PDE1C: variants seen among roughly 807,000 people sequenced by gnomAD.
The protein encoded by PDE1C is dual specificity calcium/calmodulin-dependent 3',5'-cyclic nucleotide phosphodiesterase 1C.
PDE1C carries 62 observed loss-of-function variants against 93.1 expected under a neutral mutation model. That is an observed-to-expected ratio of 0.67 (90% confidence interval 0.54 to 0.82). PDE1C has a LOEUF of 0.82. PDE1C is among the 40% of genes least tolerant of loss of function. The pLI, the probability that PDE1C is intolerant of heterozygous loss-of-function variation, is 0.00. For missense variants in PDE1C, 742 were observed against 884.6 expected (o/e 0.84, Z 2.04); for synonymous variants, 325 against 310.1 (o/e 1.05, Z -0.50).
At chr7:31,666,179 A>C in the PDE1C span, among the ~76,000 whole-genome samples, 7,179 of 152,258 alleles carry the variant, frequency 0.047, 539 homozygotes, top group African/African-American at 0.16. Context: ...AGCTGTAGAA[A>C]CCTGATAAAA....
At chr7:32,188,689 A>G (rs1057146963) in intron 2 of PDE1C, among the ~76,000 whole-genome samples, 1 of 152,080 alleles carries the variant, frequency 6.6e-6, no homozygotes, top group Non-Finnish European at 1.5e-5. Flanking sequence ...TTCTATATTC[A>G]GAAGCCTACC....
At chr7:32,397,277 C>G (rs892108992) in intron 1 of PDE1C, among the ~76,000 whole-genome samples, 1 of 151,770 alleles carries the variant, frequency 6.6e-6, no homozygotes, top group Non-Finnish European at 1.5e-5. Context: ...GCCAGAAACC[C>G]AGAAAAAAAT....
At chr7:31,803,281 A>C (rs576608391) in intron 16 of PDE1C, among the ~76,000 whole-genome samples, 1 of 151,848 alleles carries the variant, frequency 6.6e-6, no homozygotes, top group South Asian at 2.1e-4. Context: ...AAGATCTTCC[A>C]TGTGTCTACT....
At chr7:32,120,396 GTGCTTCA>G (rs1452707989) in intron 3 of PDE1C, among the ~76,000 whole-genome samples, 1 of 152,182 alleles carries the variant, frequency 6.6e-6, no homozygotes, top group East Asian at 1.9e-4. Flanking sequence ...AACAGTCAAA[GTGCTTCA>G]TTAAGCAGGT....
chr7:32,117,810 A>ATAAAT (rs1799067285), intron 3 of PDE1C, among the ~76,000 whole-genome samples: 1 of 152,194 alleles, frequency 6.6e-6, no homozygotes, highest in Admixed American at 6.5e-5. Flanking sequence ...TGAGTTATTG[A>ATAAAT]TAAATTAAAT....
intron 2 of PDE1C, among the ~76,000 whole-genome samples, chr7:31,917,027 A>G (rs1802012357): frequency 3.3e-5 from 5 of 152,300 alleles, no homozygotes; most frequent in Admixed American, 3.3e-4. Context: ...ACTACCAGGC[A>G]TGGACAGAAA....
At chr7:31,634,339 T>A in the PDE1C span, among the ~76,000 whole-genome samples, 1 of 152,234 alleles carries the variant, frequency 6.6e-6, no homozygotes, top group African/African-American at 2.4e-5. Flanking sequence ...CAGATAATAT[T>A]AATAATGATG....
chr7:31,793,664 G>T (rs1346119450), intron 16 of PDE1C, among the ~76,000 whole-genome samples: 6 of 137,924 alleles, frequency 4.4e-5, no homozygotes, highest in Admixed American at 7.9e-5. Flanking sequence ...TTGGGCATAT[G>T]AATGGGTCCT....
chr7:32,372,052 A>ATT (rs70989652), intron 1 of PDE1C, among the ~76,000 whole-genome samples: 8,653 of 132,434 alleles, frequency 0.065, 416 homozygotes, highest in South Asian at 0.084. Context: ...TGGTCAATTG[A>ATT]TTTTTTTTTT....
chr7:32,293,487 G>A (rs1812460393), intron 1 of PDE1C, among the ~76,000 whole-genome samples: 1 of 152,150 alleles, frequency 6.6e-6, no homozygotes, highest in Admixed American at 6.5e-5. Flanking sequence ...CCTAATAACA[G>A]CATTTGGAGG....
At chr7:32,112,838 GTGTGTGTGTATATATATA>G (rs1328835411) in intron 3 of PDE1C, among the ~76,000 whole-genome samples, 1 of 61,320 alleles carries the variant, frequency 1.6e-5, no homozygotes, top group African/African-American at 9.0e-5. Context: ...GTGTGTGTGT[GTGTGTGTGTATATATATA>G]TATATATATA....
rs1036624146 is a variant in PDE1C at position 32,237,148 on chromosome 7, G to A, written c.86-27609C>T. Among the ~76,000 whole-genome samples, 10 of 147,072 alleles carry A rather than the reference G, an allele frequency of 6.8e-5. No individual in the cohort carries two copies. In the East Asian group the frequency reaches 8.0e-4, roughly 12 times the overall value. On this transcript the variant is annotated intron_variant, in intron 1 of 18. Transcript: ENST00000396193. ...GTCGCCCAGGCTGGAGTGCAGTGGC[G>A]CGATCTCGGCTCACTGCAAGTTCTA...
chr7:31,950,259 C>T (rs749001184), intron 2 of PDE1C, among the ~76,000 whole-genome samples: 5 of 152,206 alleles, frequency 3.3e-5, no homozygotes, highest in South Asian at 2.1e-4. Context: ...GATGCAAGCT[C>T]TACTCCCAAT....
At chr7:31,718,165 T>C in the PDE1C span, among the ~76,000 whole-genome samples, 71 of 152,130 alleles carry the variant, frequency 4.7e-4, no homozygotes, top group African/African-American at 1.5e-3. Flanking sequence ...TGCACGGTCA[T>C]GGGCATGGTG....
intron 1 of PDE1C, among the ~76,000 whole-genome samples, chr7:32,233,299 A>C (rs1056465707): frequency 6.6e-6 from 1 of 152,188 alleles, no homozygotes; most frequent in Non-Finnish European, 1.5e-5. Flanking sequence ...GGACAAACAG[A>C]AAATTAATAA....
In PDE1C at chr7:31,877,965, A is replaced by G. The variant is rs752818906; in HGVS notation, c.492+5T>C. 5.6e-6 allele frequency: 9 copies of G among 1,600,532 alleles called. No individual in the cohort carries two copies. The South Asian group carries it at 8.8e-5, about 16-fold the overall frequency. Reference sequence around the variant, plus strand: ...TACATTGTAAAATCTTTTCACTCGTATTACCTTTAATGCCTCAATAACAGC... The same window carrying G: ...TACATTGTAAAATCTTTTCACTCGTGTTACCTTTAATGCCTCAATAACAGC... On this transcript the variant is annotated splice_donor_5th_base_variant and intron_variant, in intron 5 of 17. Transcript: ENST00000396191.
At chr7:31,664,639 A>T in the PDE1C span, among the ~76,000 whole-genome samples, 1 of 152,304 alleles carries the variant, frequency 6.6e-6, no homozygotes, top group Non-Finnish European at 1.5e-5. Context: ...GGCTTGAAGG[A>T]AATTTGCTTT....
chr7:31,697,557 A>G, the PDE1C span, among the ~76,000 whole-genome samples: 1 of 152,232 alleles, frequency 6.6e-6, no homozygotes, highest in Non-Finnish European at 1.5e-5. Context: ...ATGTGTGTCA[A>G]ATCAAACAAA....
At chr7:31,981,410 C>A (rs1812357208) in intron 2 of PDE1C, among the ~76,000 whole-genome samples, 1 of 152,162 alleles carries the variant, frequency 6.6e-6, no homozygotes, top group East Asian at 1.9e-4. Flanking sequence ...CTTCACTTAA[C>A]ATATCACTTC....
Sources: allele counts gnomAD v4.1 joint callset (sites outside exome capture counted in the v4.1 genomes callset), GRCh38; gene constraint gnomAD v4.1.1; transcripts MANE v1.5; gene names NCBI Gene and HGNC (gene_info 2026-07-23, HGNC 2026-07-21).